Variants in PLEKHH2 observed in about 807,000 individuals in gnomAD.
The protein encoded by PLEKHH2 is pleckstrin homology, MyTH4 and FERM domain containing H2.
PLEKHH2 carries 129 observed loss-of-function variants against 187.9 expected under a neutral mutation model. The ratio of observed to expected loss-of-function variants is 0.69; its 90% CI spans 0.59 to 0.79. The LOEUF is 0.79. Among genes scored for constraint, PLEKHH2 ranks in the 30% least tolerant of loss-of-function variants. PLEKHH2 has a pLI of 0.00. For synonymous variants in PLEKHH2, 686 were observed against 605.6 expected, an observed-to-expected ratio of 1.13 and a Z score of -1.95; for missense variants, 2,076 against 1,751.2, an observed-to-expected ratio of 1.19 and a Z score of -3.31.
At chr2:43,732,370 A>G (rs1471915643) in intron 19 of PLEKHH2, among the ~76,000 whole-genome samples, 1 of 152,210 alleles carries the variant, frequency 6.6e-6, no homozygotes, top group African/African-American at 2.4e-5. Context: ...TCTCAAAAAA[A>G]AAAAATTATC....
Position 43,758,929 on chromosome 2 carries a change from G to C in PLEKHH2, c.3971G>C (p.Trp1324Ser), listed in dbSNP as rs1672323567. The C allele has an allele frequency of 1.9e-6, 3 of 1,596,286 alleles. No individual in the cohort carries two copies. Among genetic ancestry groups the C allele is most frequent in the East Asian group, 4.5e-5 (2 of 44,420 alleles). The stretch of plus-strand genomic sequence containing the variant: ...CTTTGCCAGCGACTTTCAACCAGAT[G>C]GATGGCCCTCCGGGGACACAGTGCT... ...RQLCQRLSTR[W>S]MALRGHSAAD... is the part of the protein sequence containing the mutation. The change falls in exon 27 of 30, where the codon TGG (tryptophan) becomes TCG (serine). Residue 1324 changes from tryptophan (W) to serine (S), a missense_variant. By Grantham distance (177) the Trp-to-Ser change is radical (BLOSUM62 -3). Transcript: ENST00000282406.
At position 43,675,360 on chromosome 2, in the gene PLEKHH2, A is replaced by G. The variant is rs1413543879; in HGVS notation, c.124-3503A>G. 5 of 1,545,716 alleles carry G rather than the reference A, an allele frequency of 3.2e-6. No homozygotes were observed. The Admixed American group carries it at 7.9e-5, about 25-fold the overall frequency. On this transcript the variant is annotated intron_variant, in intron 2 of 29. Coordinates refer to ENST00000282406, the MANE Select transcript of PLEKHH2 (RefSeq NM_172069.4). Reference sequence around the variant, plus strand: ...AAGTGCTCTTGGACAGCACAGGTCTATTATTCTCCAGGCCTCAGTCATTTT... The same window carrying G: ...AAGTGCTCTTGGACAGCACAGGTCTGTTATTCTCCAGGCCTCAGTCATTTT...
chr2:43,757,380 T>A, intron 26 of PLEKHH2, 116 bp downstream of exon 26: 2 of 844,118 alleles, frequency 2.4e-6, no homozygotes. Context: ...AAGATTTTTT[T>A]AACATGATTG....
intron 2 of PLEKHH2, chr2:43,675,208 G>A (rs1558459240): frequency 1.3e-5 from 6 of 449,534 alleles, no homozygotes; most frequent in Non-Finnish European, 1.9e-5. Flanking sequence ...ATTTCAATGT[G>A]GAGTCAATAT....
At chr2:43,735,681 A>G (rs1402337984) in intron 19 of PLEKHH2, among the ~76,000 whole-genome samples, 1 of 152,240 alleles carries the variant, frequency 6.6e-6, no homozygotes, top group Non-Finnish European at 1.5e-5. Flanking sequence ...CAAAAAATTC[A>G]TATGCTCCAA....
intron 3 of PLEKHH2, among the ~76,000 whole-genome samples, chr2:43,682,328 A>G (rs2104437632): frequency 6.6e-6 from 1 of 151,576 alleles, no homozygotes; most frequent in East Asian, 1.9e-4. Context: ...TTTTTTTTTG[A>G]GACAGTCTCA....
At chr2:43,658,385 T>C (rs1666895606) in intron 2 of PLEKHH2, among the ~76,000 whole-genome samples, 5 of 152,250 alleles carry the variant, frequency 3.3e-5, no homozygotes, top group African/African-American at 1.2e-4. Context: ...GTATTAGTTA[T>C]CTATTGCTGT....
intron 21 of PLEKHH2, among the ~76,000 whole-genome samples, chr2:43,742,175 T>C (rs1189300617): frequency 6.6e-6 from 1 of 152,044 alleles, no homozygotes; most frequent in East Asian, 1.9e-4. Flanking sequence ...TAATTTTTTG[T>C]ATTTTCAATA....
intron 3 of PLEKHH2, chr2:43,681,727 G>T (rs777721255): frequency 3.4e-5 from 17 of 501,700 alleles, no homozygotes; most frequent in Non-Finnish European, 5.6e-5. Context: ...GCTCCCTGAT[G>T]CCCCAGACAC....
At chr2:43,640,253 G>A (rs568849091) in intron 1 of PLEKHH2, among the ~76,000 whole-genome samples, 21 of 151,390 alleles carry the variant, frequency 1.4e-4, no homozygotes, top group Non-Finnish European at 2.7e-4. Flanking sequence ...TTGTCACCCA[G>A]GCTGGAGTGC....
chr2:43,764,668 A>C (rs1159757946), intron 29 of PLEKHH2, among the ~76,000 whole-genome samples: 2 of 152,210 alleles, frequency 1.3e-5, no homozygotes, highest in Non-Finnish European at 2.9e-5. Flanking sequence ...TATATAGAAG[A>C]TTCAAAATAA....
chr2:43,737,913 G>A (rs889733294), intron 19 of PLEKHH2, among the ~76,000 whole-genome samples: 1 of 152,196 alleles, frequency 6.6e-6, no homozygotes, highest in Non-Finnish European at 1.5e-5. Flanking sequence ...ACATGTTCAG[G>A]AAGGTAAAGG....
intron 20 of PLEKHH2, chr2:43,740,681 G>A (rs369646952): frequency 1.2e-4 from 35 of 293,924 alleles, no homozygotes; most frequent in Middle Eastern, 1.1e-3. Flanking sequence ...TGAGTGTAAC[G>A]TCAAAAAGGA....
At chr2:43,723,062 G>T (rs1219494208) in intron 16 of PLEKHH2, among the ~76,000 whole-genome samples, 1 of 152,092 alleles carries the variant, frequency 6.6e-6, no homozygotes, top group Non-Finnish European at 1.5e-5. Flanking sequence ...GCATCCTTTG[G>T]TAAAATGAAT....
chr2:43,692,039 T>A (rs1572564637), intron 3 of PLEKHH2, among the ~76,000 whole-genome samples: 1 of 152,224 alleles, frequency 6.6e-6, no homozygotes, highest in Non-Finnish European at 1.5e-5. Flanking sequence ...GCTTTAAGGT[T>A]GTTTTCCCAC....
intron 24 of PLEKHH2, among the ~76,000 whole-genome samples, chr2:43,751,340 A>G (rs1672001412): frequency 6.6e-6 from 1 of 152,230 alleles, no homozygotes; most frequent in Non-Finnish European, 1.5e-5. Flanking sequence ...TATAACCAGT[A>G]GACCATGGTG....
intron 27 of PLEKHH2, 88 bp downstream of exon 27, chr2:43,759,117 T>C: frequency 4.9e-6 from 7 of 1,426,834 alleles, no homozygotes; most frequent in South Asian, 3.3e-5. Context: ...TCCTTGGCTT[T>C]TGTAAAAAAT....
At chr2:43,736,456 G>A (rs1671298827) in intron 19 of PLEKHH2, among the ~76,000 whole-genome samples, 2 of 152,202 alleles carry the variant, frequency 1.3e-5, no homozygotes, top group South Asian at 4.1e-4. Context: ...CTGCTGTGCA[G>A]AGAGGGAGCA....
At chr2:43,715,312 G>A (rs1670163261) in intron 15 of PLEKHH2, among the ~76,000 whole-genome samples, 1 of 152,120 alleles carries the variant, frequency 6.6e-6, no homozygotes, top group Non-Finnish European at 1.5e-5. Flanking sequence ...TCTCGAAGCA[G>A]TGCCAGCTGC....
Sources: gnomAD v4.1 joint callset for allele counts (sites outside exome capture counted in the v4.1 genomes callset) on GRCh38, gnomAD v4.1.1 for gene constraint, MANE v1.5 for transcripts, NCBI Gene and HGNC (gene_info 2026-07-23, HGNC 2026-07-21) for gene names.